The following COMMD1 variants were observed in gnomAD, a reference collection of about 807,000 sequenced individuals.
COMMD1 encodes copper metabolism domain containing 1.
Under a neutral mutation model 17.2 loss-of-function variants are expected in COMMD1, and 10 were observed. The ratio of observed to expected loss-of-function variants is 0.58; its 90% CI spans 0.36 to 0.99. The LOEUF is 0.99. COMMD1 is among the 50% of genes least tolerant of loss of function. The probability of loss-of-function intolerance (pLI) is 0.01; values close to 1 mark genes in which losing one functional copy is unlikely to be tolerated. For missense variants in COMMD1, 270 were observed against 231.8 expected (o/e 1.17, Z -1.07); for synonymous variants, 97 against 91.6 (o/e 1.06, Z -0.34).
At chr2:62,097,384 T>TG (rs1349529278) in intron 2 of COMMD1, among the ~76,000 whole-genome samples, 1 of 152,198 alleles carries the variant, frequency 6.6e-6, no homozygotes, top group East Asian at 1.9e-4. Context: ...CTATAGGGAC[T>TG]GCTGACTGAA....
intron 1 of COMMD1, among the ~76,000 whole-genome samples, chr2:61,934,707 GC>G (rs1320032139): frequency 6.6e-6 from 1 of 152,318 alleles, no homozygotes; most frequent in South Asian, 2.1e-4. Context: ...AGGAAAAGGG[GC>G]TAGTTAGTAC....
At chr2:62,069,383 T>A (rs1309087787) in intron 2 of COMMD1, 2 of 152,178 alleles carry the variant, frequency 1.3e-5, no homozygotes, top group South Asian at 2.1e-4. Flanking sequence ...GATTTGAAGA[T>A]TTTCAGTGAG....
intron 1 of COMMD1, among the ~76,000 whole-genome samples, chr2:61,938,220 C>T (rs1670651059): frequency 6.6e-6 from 1 of 151,184 alleles, no homozygotes; most frequent in Non-Finnish European, 1.5e-5. Context: ...CATCATCAAA[C>T]TGTTAATTGA....
At chr2:61,925,432 C>T (rs1039240360) in intron 1 of COMMD1, among the ~76,000 whole-genome samples, 4 of 151,770 alleles carry the variant, frequency 2.6e-5, no homozygotes, top group African/African-American at 4.8e-5. Context: ...GGCTGCATCC[C>T]GGGGTTGTTT....
At chr2:62,022,184 C>A (rs537369968) in intron 2 of COMMD1, among the ~76,000 whole-genome samples, 1 of 152,004 alleles carries the variant, frequency 6.6e-6, no homozygotes, top group African/African-American at 2.4e-5. Context: ...GTGGGAATCC[C>A]AACTGGTGAA....
At chr2:61,974,856 A>G (rs1384442263) in intron 1 of COMMD1, among the ~76,000 whole-genome samples, 8 of 151,958 alleles carry the variant, frequency 5.3e-5, no homozygotes, top group African/African-American at 1.7e-4. Flanking sequence ...TTGATGACCC[A>G]ATATTGATGT....
At chr2:62,109,919 CTTTTTTTTTTTT>C (rs11345736) in intron 2 of COMMD1, among the ~76,000 whole-genome samples, 8 of 73,882 alleles carry the variant, frequency 1.1e-4, no homozygotes, top group African/African-American at 4.4e-4. Flanking sequence ...TTATCTTGAT[CTTTTTTTTTTTT>C]TTTTTTTTTT....
At chr2:61,947,263 T>A (rs1010416486) in intron 1 of COMMD1, among the ~76,000 whole-genome samples, 3 of 152,230 alleles carry the variant, frequency 2.0e-5, no homozygotes, top group Non-Finnish European at 4.4e-5. Context: ...GAACAATCTA[T>A]ATATTTAATG....
chr2:62,070,643 C>T (rs1428544566), intron 2 of COMMD1, among the ~76,000 whole-genome samples: 2 of 151,972 alleles, frequency 1.3e-5, no homozygotes, highest in African/African-American at 2.4e-5. Context: ...AGAAAGGGCT[C>T]CTGATCCAGA....
At chr2:61,949,661 A>G (rs1274669523) in intron 1 of COMMD1, among the ~76,000 whole-genome samples, 1 of 109,310 alleles carries the variant, frequency 9.1e-6, no homozygotes, top group East Asian at 3.1e-4. Context: ...TTCAGTTAAA[A>G]TAAAAAAAAG....
intron 2 of COMMD1, among the ~76,000 whole-genome samples, chr2:62,130,752 G>A (rs1460732163): frequency 3.3e-5 from 5 of 152,182 alleles, no homozygotes; most frequent in Non-Finnish European, 5.9e-5. Flanking sequence ...TGTCACTGTA[G>A]TATTGTTTTG....
intron 2 of COMMD1, among the ~76,000 whole-genome samples, chr2:62,087,958 A>C (rs938135999): frequency 1.3e-5 from 2 of 152,060 alleles, no homozygotes; most frequent in African/African-American, 4.8e-5. Flanking sequence ...CTCAGGGGTA[A>C]CCATCTTCTT....
At chr2:62,026,054 A>G (rs1669746295) in intron 2 of COMMD1, among the ~76,000 whole-genome samples, 1 of 152,122 alleles carries the variant, frequency 6.6e-6, no homozygotes, top group Admixed American at 6.6e-5. Flanking sequence ...GAGGTGAATT[A>G]TCATACAACT....
chr2:62,005,007 A>G (rs1669071731), intron 2 of COMMD1, among the ~76,000 whole-genome samples: 1 of 152,224 alleles, frequency 6.6e-6, no homozygotes, highest in Non-Finnish European at 1.5e-5. Flanking sequence ...TCTTCAGTTT[A>G]TATCATTTTA....
intron 2 of COMMD1, among the ~76,000 whole-genome samples, chr2:62,039,178 C>T (rs761999477): frequency 6.6e-6 from 1 of 152,182 alleles, no homozygotes; most frequent in East Asian, 1.9e-4. Flanking sequence ...TGTTAAGTTA[C>T]TCTGTAGTTG....
chr2:62,095,878 C>T (rs1180425653), intron 2 of COMMD1, among the ~76,000 whole-genome samples: 1 of 133,220 alleles, frequency 7.5e-6, no homozygotes. Flanking sequence ...TATATATACA[C>T]ATACACACAG....
chr2:61,945,370 T>A (rs1670879005), intron 1 of COMMD1, among the ~76,000 whole-genome samples: 1 of 152,196 alleles, frequency 6.6e-6, no homozygotes, highest in Admixed American at 6.5e-5. Context: ...AAACTTTAGA[T>A]CTTGACCAAA....
At chr2:62,025,714 A>T (rs1395221462) in intron 2 of COMMD1, among the ~76,000 whole-genome samples, 1 of 152,026 alleles carries the variant, frequency 6.6e-6, no homozygotes, top group Non-Finnish European at 1.5e-5. Context: ...TTGGAGTCAG[A>T]GTGTCGCTCT....
chr2:61,933,151 G>T (rs1223491293), intron 1 of COMMD1, among the ~76,000 whole-genome samples: 1 of 151,870 alleles, frequency 6.6e-6, no homozygotes, highest in African/African-American at 2.4e-5. Flanking sequence ...CTCCAAAGCT[G>T]CACATCTGAA....
Sources: allele counts gnomAD v4.1 joint callset (sites outside exome capture counted in the v4.1 genomes callset), GRCh38; gene constraint gnomAD v4.1.1; transcripts MANE v1.5; gene names NCBI Gene and HGNC (gene_info 2026-07-23, HGNC 2026-07-21).